FSTL5: variants seen among roughly 807,000 people sequenced by gnomAD.
The protein encoded by FSTL5 is follistatin-related protein 5.
A neutral mutation model predicts 89.1 loss-of-function variants in FSTL5; 62 were observed. The observed-to-expected ratio is 0.70, with a 90% CI of 0.57 to 0.86. The LOEUF (loss-of-function observed/expected upper bound fraction) is 0.86, where lower values mean the gene tolerates loss of function less well. Among genes scored for constraint, FSTL5 ranks in the 40% least tolerant of loss-of-function variants. FSTL5 has a pLI of 0.00. For missense variants in FSTL5, 1,057 were observed against 1,001.6 expected, an observed-to-expected ratio of 1.06 and a Z score of -0.75; for synonymous variants, 383 against 346.2, an observed-to-expected ratio of 1.11 and a Z score of -1.18.
rs186568316 is a variant in FSTL5, at chr4:161,445,475, A to C, written c.1841+9529T>G. On this transcript the variant is annotated intron_variant, in intron 15 of 15. Transcript: ENST00000306100. ...AGTTAGAAAACTTGTTTCCCTAATG[A>C]ATTTGAAATTTTAACAATGACTTTA... is the stretch of plus-strand genomic sequence containing the variant. Among the ~76,000 whole-genome samples, 830 of 152,060 alleles carry C rather than the reference A, an allele frequency of 5.5e-3. 9 individuals are homozygous for C. Among genetic ancestry groups the C allele is most frequent in the Middle Eastern group, 0.01 (3 of 288 alleles).
At chr4:161,595,488 G>A (rs1035179773) in intron 7 of FSTL5, among the ~76,000 whole-genome samples, 3 of 152,006 alleles carry the variant, frequency 2.0e-5, no homozygotes, top group African/African-American at 4.8e-5. Flanking sequence ...ACACAAAATC[G>A]TTTATTTTGT....
chr4:161,722,983 T>C (rs1307225778), intron 6 of FSTL5, among the ~76,000 whole-genome samples: 2 of 152,164 alleles, frequency 1.3e-5, no homozygotes, highest in Non-Finnish European at 2.9e-5. Context: ...CAGCTACATT[T>C]CTTTCTGGAG....
chr4:161,779,177 C>T (rs539405602), intron 4 of FSTL5, among the ~76,000 whole-genome samples: 1 of 152,272 alleles, frequency 6.6e-6, no homozygotes, highest in East Asian at 1.9e-4. Flanking sequence ...GTGTGATCAT[C>T]ATAACACTCT....
intron 4 of FSTL5, among the ~76,000 whole-genome samples, chr4:161,812,174 T>C (rs936715000): frequency 6.6e-6 from 1 of 152,218 alleles, no homozygotes; most frequent in African/African-American, 2.4e-5. Flanking sequence ...ATTAGTTCTA[T>C]AAAATATTAA....
intron 10 of FSTL5, among the ~76,000 whole-genome samples, chr4:161,531,528 A>C (rs2126530662): frequency 6.6e-6 from 1 of 152,318 alleles, no homozygotes; most frequent in East Asian, 1.9e-4. Flanking sequence ...ACAGAAGAAA[A>C]GCGCATTACA....
At chr4:162,154,744 A>G (rs771605957) in intron 1 of FSTL5, among the ~76,000 whole-genome samples, 8 of 152,186 alleles carry the variant, frequency 5.3e-5, no homozygotes, top group Non-Finnish European at 1.5e-5. Flanking sequence ...TGCAAGCATA[A>G]AAAGAGAATA....
intron 2 of FSTL5, among the ~76,000 whole-genome samples, chr4:162,069,128 C>A (rs1301823054): frequency 6.6e-6 from 1 of 152,028 alleles, no homozygotes; most frequent in South Asian, 2.1e-4. Flanking sequence ...TTGTGGAAGA[C>A]AGTGTGGTAA....
chr4:161,424,024 C>CT lies in FSTL5; in HGVS notation c.1841+30979dup, dbSNP rs11287729. Among the ~76,000 whole-genome samples the CT allele has an allele frequency of 1.4e-3, 103 of 75,382 alleles. 3 individuals carry two copies. The highest frequency in any genetic ancestry group is 4.1e-3 in the African/African-American group (73 of 17,744). 49.5% of individuals were successfully genotyped at this position (75,382 alleles called of 152,430 possible). ...GGTGCCTGCCAGCACGCCCATCATT[C>CT]TTTTTTTTTTTTTTTTTTTTTTTTT... On this transcript the variant is annotated intron_variant, in intron 15 of 15. Transcript: ENST00000306100.
intron 3 of FSTL5, among the ~76,000 whole-genome samples, chr4:161,955,614 C>A (rs894630142): frequency 6.6e-6 from 1 of 151,424 alleles, no homozygotes; most frequent in Non-Finnish European, 1.5e-5. Context: ...CATAACAAAT[C>A]AAAAACTAAG....
chr4:161,626,244 T>C (rs1465474317), intron 7 of FSTL5, among the ~76,000 whole-genome samples: 1 of 152,162 alleles, frequency 6.6e-6, no homozygotes, highest in African/African-American at 2.4e-5. Flanking sequence ...ACAATGTCTG[T>C]CTTTAAAGCT....
chr4:161,578,946 T>C (rs547445651), intron 8 of FSTL5, among the ~76,000 whole-genome samples: 7 of 152,216 alleles, frequency 4.6e-5, no homozygotes, highest in African/African-American at 1.7e-4. Flanking sequence ...AGAAAATGTA[T>C]CAGGAGCAGA....
chr4:161,846,271 C>A (rs1335909355), intron 4 of FSTL5, among the ~76,000 whole-genome samples: 1 of 151,854 alleles, frequency 6.6e-6, no homozygotes, highest in Non-Finnish European at 1.5e-5. Context: ...TTCATAGTGT[C>A]TTCTTTGTTC....
chr4:161,680,349 T>C lies in FSTL5; in HGVS notation c.728-23855A>G, dbSNP rs550125906. ...AGTCATCTTGTCTCAATCTAAGCTA[T>C]TCTTTATTACTTCCCTTATGCATTT... is the stretch of plus-strand genomic sequence containing the variant. On this transcript the variant is annotated intron_variant, in intron 6 of 15. Coordinates refer to ENST00000306100, the MANE Select transcript of FSTL5 (RefSeq NM_020116.5). Among the ~76,000 whole-genome samples the C allele has an allele frequency of 1.1e-4, 17 of 152,030 alleles. No homozygotes were observed. In the South Asian group the frequency reaches 3.5e-3, roughly 31 times the overall value.
intron 13 of FSTL5, among the ~76,000 whole-genome samples, chr4:161,480,596 T>G (rs1729468019): frequency 6.6e-6 from 1 of 152,224 alleles, no homozygotes; most frequent in Admixed American, 6.5e-5. Context: ...ACTAGGTTAC[T>G]GTCATCTAGT....
At chr4:161,791,994 G>A (rs946196565) in intron 4 of FSTL5, among the ~76,000 whole-genome samples, 5 of 152,096 alleles carry the variant, frequency 3.3e-5, no homozygotes, top group Admixed American at 6.5e-5. Flanking sequence ...TGGATGCCCC[G>A]CACTGCCAGG....
At chr4:161,580,627 T>C (rs919922247) in intron 8 of FSTL5, among the ~76,000 whole-genome samples, 1 of 152,106 alleles carries the variant, frequency 6.6e-6, no homozygotes, top group Admixed American at 6.5e-5. Context: ...GAGCTTCCCA[T>C]TGAGTGAGTG....
Position 161,639,897 on chromosome 4 carries a change from C to G in FSTL5, c.894+16431G>C, listed in dbSNP as rs544073690. Reference sequence around the variant, plus strand: ...GTTCCCTCCATGTTGCAAGCTCCCCCTTCCTCAGCTAAAGTGACTTGCAGA... The same window carrying G: ...GTTCCCTCCATGTTGCAAGCTCCCCGTTCCTCAGCTAAAGTGACTTGCAGA... On this transcript the variant is annotated intron_variant, in intron 7 of 15. Transcript: ENST00000306100. Among the ~76,000 whole-genome samples the G allele has an allele frequency of 2.3e-3, 352 of 152,322 alleles. 1 individual carries two copies. The highest frequency in any genetic ancestry group is 3.6e-3 in the Non-Finnish European group (248 of 68,028).
chr4:162,008,732 C>A (rs140502911), intron 3 of FSTL5, among the ~76,000 whole-genome samples: 84 of 151,976 alleles, frequency 5.5e-4, no homozygotes, highest in African/African-American at 1.8e-3. Flanking sequence ...GCTCTGATCT[C>A]CTTTAGCATA....
intron 6 of FSTL5, among the ~76,000 whole-genome samples, chr4:161,658,689 C>T (rs1736604522): frequency 6.6e-6 from 1 of 152,092 alleles, no homozygotes; most frequent in South Asian, 2.1e-4. Flanking sequence ...AATCTGCATA[C>T]ACAGTGTTCA....
Sources: allele counts gnomAD v4.1 joint callset (sites outside exome capture counted in the v4.1 genomes callset), GRCh38; gene constraint gnomAD v4.1.1; transcripts MANE v1.5; gene names NCBI Gene and HGNC (gene_info 2026-07-23, HGNC 2026-07-21).